MEF2A: variants seen among roughly 807,000 people sequenced by gnomAD.
MEF2A encodes myocyte enhancer factor 2A, also known as myocyte-specific enhancer factor 2A.
In MEF2A, 28 loss-of-function variants were observed where a neutral mutation model predicts 55.8. The observed-to-expected ratio is 0.50, with a 90% CI of 0.37 to 0.69. The LOEUF is 0.69. Ranked by LOEUF, MEF2A falls within the 30% of genes least tolerant of loss-of-function variation. MEF2A has a pLI of 0.00. For synonymous variants in MEF2A, 239 were observed against 227.1 expected, an observed-to-expected ratio of 1.05 and a Z score of -0.47; for missense variants, 528 against 626.2, an observed-to-expected ratio of 0.84 and a Z score of 1.67.
At chr15:99,602,730 G>A (rs1567204226) in intron 2 of MEF2A, among the ~76,000 whole-genome samples, 20 of 66,920 alleles carry the variant, frequency 3.0e-4, no homozygotes, top group South Asian at 8.1e-4. Context: ...GTGTGTGTGT[G>A]GGGGGGTGGG....
In MEF2A at chr15:99,572,939, A is replaced by G. The variant is rs568781365; in HGVS notation, c.-225+6835A>G. The stretch of plus-strand genomic sequence containing the variant: ...TCTTTTGTGTGCTCAGTATCTACCA[A>G]CCAACCTATTATAGTAGATATAGTG... On this transcript the variant is annotated intron_variant, in intron 1 of 11. Coordinates refer to ENST00000557942, the MANE Select transcript of MEF2A (RefSeq NM_001319206.4). Among the ~76,000 whole-genome samples the G allele has an allele frequency of 2.0e-5, 3 of 152,204 alleles. No individual in the cohort carries two copies. The East Asian group carries it at 5.8e-4, about 29-fold the overall frequency.
At chr15:99,689,623 G>T (rs745867162) in intron 7 of MEF2A, among the ~76,000 whole-genome samples, 4 of 152,182 alleles carry the variant, frequency 2.6e-5, no homozygotes, top group Non-Finnish European at 2.9e-5. Flanking sequence ...TGGGATCACA[G>T]GCGGGCGCCA....
chr15:99,612,684 A>G (rs970086493), intron 2 of MEF2A, among the ~76,000 whole-genome samples: 12 of 152,136 alleles, frequency 7.9e-5, no homozygotes, highest in Non-Finnish European at 1.6e-4. Flanking sequence ...CAATCTGGGT[A>G]ACTGAGTGGA....
At chr15:99,610,414 C>T (rs1976768674) in intron 2 of MEF2A, among the ~76,000 whole-genome samples, 1 of 2,670 alleles carries the variant, frequency 3.7e-4, no homozygotes, top group Non-Finnish European at 4.0e-3. Flanking sequence ...CTCCCCCGCC[C>T]CCCCCCCCCC....
chr15:99,691,567 G>A (rs573955744), intron 8 of MEF2A, among the ~76,000 whole-genome samples: 49 of 148,932 alleles, frequency 3.3e-4, no homozygotes, highest in African/African-American at 1.0e-3. Flanking sequence ...GCGTGGTGGC[G>A]CGTGCCTGTA....
chr15:99,662,243 A>G (rs950791305), intron 4 of MEF2A, among the ~76,000 whole-genome samples: 2 of 152,118 alleles, frequency 1.3e-5, no homozygotes, highest in Non-Finnish European at 2.9e-5. Context: ...GAAATGACTG[A>G]TGTTCACTTT....
intron 3 of MEF2A, among the ~76,000 whole-genome samples, 194 bp downstream of exon 3, chr15:99,633,367 GAT>G (rs1354646756): frequency 2.0e-5 from 3 of 151,744 alleles, no homozygotes; most frequent in Non-Finnish European, 4.4e-5. Context: ...CCTTATTATA[GAT>G]ATATGTCACC....
chr15:99,574,046 T>A (rs1054990338), intron 1 of MEF2A, among the ~76,000 whole-genome samples: 2 of 150,806 alleles, frequency 1.3e-5, no homozygotes, highest in Admixed American at 1.3e-4. Context: ...GTTGACAGAT[T>A]TTTTTTTTTA....
In MEF2A at chr15:99,588,275, C is replaced by T. The variant is rs569048671; in HGVS notation, c.-224-10155C>T. On this transcript the variant is annotated intron_variant, in intron 1 of 11. Coordinates refer to ENST00000557942, the MANE Select transcript of MEF2A (RefSeq NM_001319206.4). The stretch of plus-strand genomic sequence containing the variant: ...GGGACCACAGGCGTGTGCCACCACA[C>T]TCAGCTAATTTTTTTTTGTTGTTTT... Among the ~76,000 whole-genome samples the T allele has an allele frequency of 3.3e-5, 5 of 152,062 alleles. No individual in the cohort carries two copies. The South Asian group carries it at 8.3e-4, about 25-fold the overall frequency.
chr15:99,697,899 C>T (rs983696974), intron 8 of MEF2A, among the ~76,000 whole-genome samples: 3 of 152,116 alleles, frequency 2.0e-5, no homozygotes, highest in Non-Finnish European at 2.9e-5. Flanking sequence ...GTGGACAAAA[C>T]GGCTCAGAAA....
intron 2 of MEF2A, among the ~76,000 whole-genome samples, chr15:99,612,753 A>G (rs866939163): frequency 1.3e-5 from 2 of 152,212 alleles, no homozygotes; most frequent in Non-Finnish European, 1.5e-5. Flanking sequence ...ATAAACTGCT[A>G]TCAAACCTGG....
At chr15:99,637,425 C>T (rs762679981) in intron 3 of MEF2A, among the ~76,000 whole-genome samples, 3 of 152,084 alleles carry the variant, frequency 2.0e-5, no homozygotes, top group Non-Finnish European at 4.4e-5. Context: ...TTTTCTAAAG[C>T]ATTATTAACA....
chr15:99,694,891 C>G (rs1018750019), intron 8 of MEF2A, among the ~76,000 whole-genome samples: 3 of 152,020 alleles, frequency 2.0e-5, no homozygotes, highest in African/African-American at 7.3e-5. Context: ...TAATACAATA[C>G]CACGTTTTTC....
At chr15:99,590,939 C>A (rs1277545273) in intron 1 of MEF2A, among the ~76,000 whole-genome samples, 2 of 150,336 alleles carry the variant, frequency 1.3e-5, no homozygotes, top group Non-Finnish European at 3.0e-5. Flanking sequence ...AGGTTTCTAT[C>A]TGCTCTTTTA....
intron 1 of MEF2A, among the ~76,000 whole-genome samples, chr15:99,595,338 C>G (rs1392247507): frequency 6.6e-6 from 1 of 152,134 alleles, no homozygotes; most frequent in African/African-American, 2.4e-5. Context: ...GTTTTAATCT[C>G]CTTCCTCTGG....
chr15:99,692,658 C>T (rs1285488879), intron 8 of MEF2A, among the ~76,000 whole-genome samples: 1 of 152,168 alleles, frequency 6.6e-6, no homozygotes, highest in Non-Finnish European at 1.5e-5. Context: ...TACTTTTTTA[C>T]TCCGTGAATC....
chr15:99,712,751 A>T lies in MEF2A; in HGVS notation c.1498A>T (p.Met500Leu). ...AAGCCCTTCTGTAAAGCGAATGAGG[A>T]TGGACGCGTGGGTGACCTAAGGCTT... ...RESPSVKRMRMDAWVT is the reference protein window; with the variant it reads ...RESPSVKRMRLDAWVT Residue 500 changes from methionine to leucine, a missense_variant, in exon 12 of 12, where the codon ATG becomes TTG. Transcript: ENST00000557942. The surrounding 1 kb of genome is among the most constrained non-coding windows in gnomAD (Gnocchi z 4.1). The T allele has an allele frequency of 1.3e-6, 2 of 1,559,240 alleles. No homozygotes were observed. The highest frequency in any genetic ancestry group is 1.7e-6 in the Non-Finnish European group (2 of 1,151,296).
chr15:99,622,685 T>G (rs2041385692), intron 2 of MEF2A, among the ~76,000 whole-genome samples: 1 of 147,950 alleles, frequency 6.8e-6, no homozygotes, highest in Admixed American at 7.0e-5. Flanking sequence ...CCATCCTTCT[T>G]TAGGATGTTT....
chr15:99,639,287 T>C (rs2044462340), intron 3 of MEF2A, among the ~76,000 whole-genome samples: 1 of 152,148 alleles, frequency 6.6e-6, no homozygotes, highest in Non-Finnish European at 1.5e-5. Context: ...CTATCATGAA[T>C]TTACATTGTG....
Sources: allele counts gnomAD v4.1 joint callset (sites outside exome capture counted in the v4.1 genomes callset), GRCh38; gene constraint gnomAD v4.1.1; non-coding constraint Gnocchi (gnomAD v3.1); transcripts MANE v1.5; gene names NCBI Gene and HGNC (gene_info 2026-07-23, HGNC 2026-07-21).